DNAH17: variants seen among roughly 807,000 people sequenced by gnomAD.
DNAH17 encodes axonemal beta dynein heavy chain 17.
A neutral mutation model predicts 485.6 loss-of-function variants in DNAH17; 376 were observed. That is an observed-to-expected ratio of 0.77 (90% CI 0.71 to 0.84). The LOEUF is 0.84. Ranked by LOEUF, DNAH17 falls within the 40% of genes least tolerant of loss-of-function variation. DNAH17 has a pLI of 0.00. For missense variants in DNAH17, 6,370 were observed against 5,839.3 expected (o/e 1.09, Z -2.96); for synonymous variants, 3,031 against 2,405.9 (o/e 1.26, Z -7.60).
At chr17:78,490,631 T>C in intron 44 of DNAH17, 68 bp downstream of exon 44, 1 of 1,524,724 alleles carries the variant, frequency 6.6e-7, no homozygotes. Context: ...TATGCAACTC[T>C]GAAACAGGCC....
chr17:78,530,027 C>T (rs1471580024), intron 21 of DNAH17, among the ~76,000 whole-genome samples: 1 of 152,218 alleles, frequency 6.6e-6, no homozygotes, highest in Non-Finnish European at 1.5e-5. Flanking sequence ...CCCTGATGGC[C>T]GCCTATAATC....
chr17:78,558,275 A>G (rs753228420), intron 13 of DNAH17, 21 bp from the exon 14 acceptor site: 27 of 1,611,914 alleles, frequency 1.7e-5, no homozygotes, highest in Middle Eastern at 3.3e-4. Context: ...AACGAAGATC[A>G]AAGAACATGT....
chr17:78,527,968 G>A (rs1233810738), intron 22 of DNAH17, among the ~76,000 whole-genome samples: 1 of 151,668 alleles, frequency 6.6e-6, no homozygotes, highest in Admixed American at 6.6e-5. Flanking sequence ...TAGTAGAGAT[G>A]GGATTTTGCC....
intron 20 of DNAH17, among the ~76,000 whole-genome samples, chr17:78,530,925 C>T (rs1473559754): frequency 2.0e-5 from 3 of 152,190 alleles, no homozygotes; most frequent in Non-Finnish European, 4.4e-5. Flanking sequence ...CATGGGTCAC[C>T]CTTGCCCACG....
intron 36 of DNAH17, chr17:78,499,439 T>G: frequency 1.1e-5 from 2 of 175,980 alleles, no homozygotes; most frequent in East Asian, 1.5e-4. Context: ...CTTTTCTTTC[T>G]TGCGTGGAGA....
At chr17:78,569,293 A>G (rs1184330484) in intron 8 of DNAH17, 41 bp from the exon 9 acceptor site, 2 of 1,597,730 alleles carry the variant, frequency 1.3e-6, no homozygotes, top group East Asian at 2.3e-5. Flanking sequence ...GTTTGCTTCA[A>G]ATGTCCCAAG....
Position 78,525,130 on chromosome 17 carries a change from A to C in DNAH17, c.3743T>G (p.Ile1248Ser), listed in dbSNP as rs368565796. Reference protein sequence around the residue: ...QQKSISAMEGIMEALSKSGGL... With the variant: ...QQKSISAMEGSMEALSKSGGL... ...CCCGGACTTGGACAGCGCCTCCATG[A>C]TGCCTTCCATGGCGGAGATGCTCTT... Residue 1248 changes from isoleucine (I) to serine (S), a missense_variant, in exon 25 of 81, where the codon ATC (isoleucine) becomes AGC (serine). Coordinates refer to ENST00000389840, the MANE Select transcript of DNAH17 (RefSeq NM_173628.4). 5 of 1,613,488 alleles carry C rather than the reference A, an allele frequency of 3.1e-6. No individual in the cohort carries two copies. Among genetic ancestry groups the C allele is most frequent in the Admixed American group, 1.7e-5 (1 of 60,002 alleles).
chr17:78,494,564 G>C lies in DNAH17; in HGVS notation c.6270+29C>G, dbSNP rs560108131. 6 of 1,608,936 alleles carry C rather than the reference G, an allele frequency of 3.7e-6. No homozygotes were observed. In the African/African-American group the frequency reaches 5.3e-5, roughly 14 times the overall value. On this transcript the variant is annotated intron_variant, in intron 40 of 80. Coordinates refer to ENST00000389840, the MANE Select transcript of DNAH17 (RefSeq NM_173628.4). ...AAGCCCCAGCCAGGCAGGCTTCTCCGGACAGACCTGAGACCCAGGAGTCCC... is the reference window on the plus strand; with the variant it reads ...AAGCCCCAGCCAGGCAGGCTTCTCCCGACAGACCTGAGACCCAGGAGTCCC...
At chr17:78,559,163 G>T (rs1014127652) in intron 13 of DNAH17, among the ~76,000 whole-genome samples, 1 of 152,212 alleles carries the variant, frequency 6.6e-6, no homozygotes, top group Non-Finnish European at 1.5e-5. Flanking sequence ...GTAATGAGAT[G>T]TCCAGTGTTG....
chr17:78,561,738 T>C lies in DNAH17; in HGVS notation c.1812A>G (p.Lys604=). Residue 604 remains lysine, a synonymous_variant, in exon 12 of 81, where the codon AAA becomes AAG. Transcript: ENST00000389840. ...ELQERLEVSM[K]HLKHVEHPVM... is the part of the protein sequence containing the mutation. Reference sequence around the variant, plus strand: ...ACGGGTGTTCGACGTGCTTCAGGTGTTTCATGGACACCTCTAGCCTCTCCT... The same window carrying C: ...ACGGGTGTTCGACGTGCTTCAGGTGCTTCATGGACACCTCTAGCCTCTCCT... 1.2e-6 allele frequency: 2 copies of C among 1,610,874 alleles called. No homozygotes were observed. Among genetic ancestry groups the C allele is most frequent in the East Asian group, 2.2e-5 (1 of 44,784 alleles).
rs773473567 is a variant in DNAH17, at chr17:78,445,649, A to C, written c.11243T>G (p.Val3748Gly). The change falls in exon 70 of 81, where the codon GTG (valine) becomes GGG (glycine). Residue 3748 changes from valine to glycine, a missense_variant. Physicochemically the swap from Val to Gly is moderately radical, Grantham distance 109. Transcript: ENST00000389840. ...VLSMKKELNP[V>G]ELDFLLRFPF... ...GAACCGCAGGAGGAAATCCAGCTCC[A>C]CTGGGTTCAGCTCCTTCTTCATGGA... 1 of 1,577,146 alleles carries C rather than the reference A, an allele frequency of 6.3e-7. No homozygotes were observed. Among genetic ancestry groups the C allele is most frequent in the Non-Finnish European group, 8.6e-7 (1 of 1,161,506 alleles).
rs1359674455 is a variant in DNAH17, at chr17:78,480,747, A to G, written c.7689T>C (p.Asn2563=). The G allele has an allele frequency of 6.2e-7, 1 of 1,613,664 alleles. No homozygotes were observed. Among genetic ancestry groups the G allele is most frequent in the East Asian group, 2.2e-5 (1 of 44,884 alleles). ...RHKLTLKDIH[N]CQYVACMNPT... Reference sequence around the variant, plus strand: ...GGTTCATGCAGGCCACGTACTGACAATTATGGATATCTTTTAACGTCAGCT... The same window carrying G: ...GGTTCATGCAGGCCACGTACTGACAGTTATGGATATCTTTTAACGTCAGCT... Residue 2563 remains asparagine (N), a synonymous_variant, in exon 49 of 81, where the codon AAT becomes AAC. Transcript: ENST00000389840.
rs780634061 is a variant in DNAH17 at position 78,492,733 on chromosome 17, G to C, written c.6441C>G (p.Asn2147Lys). 6.2e-7 allele frequency: 1 copy of C among 1,612,630 alleles called. No homozygotes were observed. Among genetic ancestry groups the C allele is most frequent in the South Asian group, 1.1e-5 (1 of 90,770 alleles). ...VLKSLNKTYQ[N>K]LKRKPVAVDL... Reference sequence around the variant, plus strand: ...CCACGGCGACCGGCTTCCTCTTCAGGTTCTGATAGGTCTTGTTGAGGGATT... The same window carrying C: ...CCACGGCGACCGGCTTCCTCTTCAGCTTCTGATAGGTCTTGTTGAGGGATT... The change falls in exon 42 of 81, where the codon AAC (asparagine) becomes AAG (lysine). Residue 2147 changes from asparagine to lysine, a missense_variant. Asn to Lys is a moderately conservative substitution (Grantham distance 94). Coordinates refer to ENST00000389840, the MANE Select transcript of DNAH17 (RefSeq NM_173628.4).
At chr17:78,424,210 TGGCAGGAAGGGTGGGGTC>T (rs929101711) in intron 80 of DNAH17, 57 bp from the exon 81 acceptor site, 103 of 1,554,562 alleles carry the variant, frequency 6.6e-5, no homozygotes, top group Non-Finnish European at 3.9e-5. Context: ...AGGGAGGGGC[TGGCAGGAAGGGTGGGGTC>T]CTCACACTCC....
chr17:78,478,307 CA>C (rs2089181264), intron 51 of DNAH17, among the ~76,000 whole-genome samples: 1 of 138,762 alleles, frequency 7.2e-6, no homozygotes, highest in Non-Finnish European at 1.5e-5. Flanking sequence ...ACCATCACCA[CA>C]ATCACATCAC....
intron 17 of DNAH17, 69 bp from the exon 18 acceptor site, chr17:78,539,949 G>C: frequency 1.4e-6 from 2 of 1,449,748 alleles, no homozygotes; most frequent in Non-Finnish European, 9.1e-7. Context: ...ACACTGTTTA[G>C]TGCCTCTCTG....
rs962893708 is a variant in DNAH17, at chr17:78,469,291, G to A, written c.8512-408C>T. Among the ~76,000 whole-genome samples, 68 of 152,272 alleles carry A rather than the reference G, an allele frequency of 4.5e-4. No individual in the cohort carries two copies. In the Middle Eastern group the frequency reaches 0.014, roughly 30 times the overall value. ...CGAGTAGCTGGGACTACAGGCACCCGCCACCACGCCTGGCTAATTTTTTGT... is the reference window on the plus strand; with the variant it reads ...CGAGTAGCTGGGACTACAGGCACCCACCACCACGCCTGGCTAATTTTTTGT... On this transcript the variant is annotated intron_variant, in intron 54 of 80. Transcript: ENST00000389840.
intron 1 of DNAH17, among the ~76,000 whole-genome samples, chr17:78,576,107 G>A (rs2092429198): frequency 6.6e-6 from 1 of 152,190 alleles, no homozygotes; most frequent in African/African-American, 2.4e-5. Context: ...CTCCAGACCT[G>A]GCAGCTGCTG....
rs962841203 is a variant in DNAH17 at position 78,493,907 on chromosome 17, C to T, written c.6408+129G>A. The T allele has an allele frequency of 8.2e-6, 11 of 1,347,998 alleles. No individual in the cohort carries two copies. In the African/African-American group the frequency reaches 8.8e-5, roughly 11 times the overall value. 83.5% of individuals were successfully genotyped at this position (1,347,998 alleles called of 1,614,324 possible). The stretch of plus-strand genomic sequence containing the variant: ...TTCCTCCCTGGCCCATGACTCAGGC[C>T]GGAGGGCTCCCAGGATGTACTGGGT... On this transcript the variant is annotated intron_variant, in intron 41 of 80. Transcript: ENST00000389840.
Sources: allele counts gnomAD v4.1 joint callset (sites outside exome capture counted in the v4.1 genomes callset), GRCh38; gene constraint gnomAD v4.1.1; transcripts MANE v1.5; gene names NCBI Gene and HGNC (gene_info 2026-07-23, HGNC 2026-07-21).